The following ANK2 variants were observed in gnomAD, a reference collection of about 807,000 sequenced individuals.
ANK2 encodes ankyrin-2.
In ANK2, 83 loss-of-function variants were observed where a neutral mutation model predicts 360.5. The ratio of observed to expected loss-of-function variants is 0.23; its 90% CI spans 0.19 to 0.28. ANK2 has a LOEUF of 0.28. Among genes scored for constraint, ANK2 ranks in the 10% least tolerant of loss-of-function variants. The pLI is 1.00. For missense variants in ANK2, 4,201 were observed against 4,795.7 expected (o/e 0.88, Z 3.66); for synonymous variants, 1,740 against 1,759.5 (o/e 0.99, Z 0.28).
At chr4:113,230,514 C>CA (rs376508854) in intron 4 of ANK2, among the ~76,000 whole-genome samples, 5,915 of 137,072 alleles carry the variant, frequency 0.043, 153 homozygotes, top group East Asian at 0.11. Flanking sequence ...GACTCCATCT[C>CA]AAAAAAAAAA....
chr4:112,763,353 A>G, the ANK2 span, among the ~76,000 whole-genome samples: 54,617 of 149,270 alleles, frequency 0.37, 10,150 homozygotes, highest in East Asian at 0.62. Context: ...CTCAGCCTCC[A>G]GAGTAGCTGG....
Position 113,258,538 on chromosome 4 carries a change from T to G in ANK2, c.1386+127T>G, listed in dbSNP as rs950015908. On this transcript the variant is annotated intron_variant, in intron 13 of 45. Coordinates refer to ENST00000357077, the MANE Select transcript of ANK2 (RefSeq NM_001148.6). ...GCAACCAAGCTTTGAGAAGGGCCCT[T>G]GTAATAACACATTATTGAAATAATC... 5 of 845,716 alleles carry G rather than the reference T, an allele frequency of 5.9e-6. No individual in the cohort carries two copies. In the Admixed American group the frequency reaches 7.6e-5, roughly 13 times the overall value. 52.4% of individuals were successfully genotyped at this position (845,716 alleles called of 1,614,324 possible).
intron 1 of ANK2, among the ~76,000 whole-genome samples, chr4:112,881,326 T>G (rs2076634882): frequency 6.6e-6 from 1 of 152,146 alleles, no homozygotes; most frequent in African/African-American, 2.4e-5. Flanking sequence ...TGGTCCCAGC[T>G]ACTTGGGAGG....
At chr4:112,974,273 T>C (rs1041573552) in intron 2 of ANK2, among the ~76,000 whole-genome samples, 2 of 152,178 alleles carry the variant, frequency 1.3e-5, no homozygotes, top group South Asian at 2.1e-4. Flanking sequence ...AGGGCCTAAA[T>C]TGGAAAGCAA....
In ANK2 at chr4:113,372,510, C is replaced by G. The variant is rs1051382104; in HGVS notation, c.11611-580C>G. The G allele has an allele frequency of 2.8e-6, 4 of 1,448,708 alleles. No homozygotes were observed. In the African/African-American group the frequency reaches 5.6e-5, roughly 20 times the overall value. 89.7% of individuals were successfully genotyped at this position (1,448,708 alleles called of 1,614,324 possible). A position where few individuals can be genotyped will look rare whatever the true frequency, so the allele number is the denominator to read the frequency against. ...TCATTCCTTAGCATGTTAAACAAAG[C>G]AATGCTTCCATGCTTCCACCAGGAG... On this transcript the variant is annotated intron_variant, in intron 43 of 45. Transcript: ENST00000357077.
chr4:112,785,664 C>T, the ANK2 span, among the ~76,000 whole-genome samples: 3 of 151,224 alleles, frequency 2.0e-5, no homozygotes, highest in African/African-American at 7.3e-5. Flanking sequence ...GCCACTGCGC[C>T]TGGCCTTTTT....
chr4:113,082,545 C>T (rs1260422261), intron 1 of ANK2, among the ~76,000 whole-genome samples: 1 of 152,124 alleles, frequency 6.6e-6, no homozygotes, highest in Non-Finnish European at 1.5e-5. Context: ...TGATGAAATG[C>T]ATAATTACTA....
At chr4:113,102,613 G>C (rs1456247541) in intron 1 of ANK2, among the ~76,000 whole-genome samples, 1 of 152,100 alleles carries the variant, frequency 6.6e-6, no homozygotes. Flanking sequence ...GAAAAGAACA[G>C]GAGAAAGTTG....
At chr4:112,999,591 G>A (rs947661053) in intron 2 of ANK2, among the ~76,000 whole-genome samples, 1 of 151,676 alleles carries the variant, frequency 6.6e-6, no homozygotes, top group Non-Finnish European at 1.5e-5. Context: ...GGAATACAAA[G>A]CCAGTGGTGA....
chr4:112,760,347 C>T, the ANK2 span, among the ~76,000 whole-genome samples: 3 of 151,972 alleles, frequency 2.0e-5, no homozygotes, highest in African/African-American at 7.2e-5. Flanking sequence ...CTACCACGCC[C>T]GGCTAATTTT....
chr4:112,841,764 G>A (rs1299963287), intron 1 of ANK2, among the ~76,000 whole-genome samples: 13 of 152,070 alleles, frequency 8.5e-5, no homozygotes, highest in Non-Finnish European at 1.9e-4. Flanking sequence ...AAACACCCTC[G>A]CCTAGCTGTG....
At chr4:112,873,540 C>CT (rs556434015) in intron 1 of ANK2, among the ~76,000 whole-genome samples, 10,272 of 139,836 alleles carry the variant, frequency 0.073, 496 homozygotes, top group Non-Finnish European at 0.11. Flanking sequence ...CTTTTTCTTT[C>CT]TTTTTTTTTT....
chr4:112,852,291 T>C (rs573897062), intron 1 of ANK2, among the ~76,000 whole-genome samples: 2 of 152,212 alleles, frequency 1.3e-5, no homozygotes, highest in Non-Finnish European at 2.9e-5. Flanking sequence ...ATATTCTTCA[T>C]CTTCTAACTC....
intron 1 of ANK2, among the ~76,000 whole-genome samples, chr4:113,102,551 G>A (rs777980277): frequency 5.9e-5 from 9 of 152,038 alleles, no homozygotes; most frequent in South Asian, 4.1e-4. Flanking sequence ...TTTGAGTTCC[G>A]ATAGAAAAGG....
intron 2 of ANK2, among the ~76,000 whole-genome samples, chr4:113,005,641 T>G (rs1479800447): frequency 6.6e-6 from 1 of 152,084 alleles, no homozygotes; most frequent in Non-Finnish European, 1.5e-5. Flanking sequence ...AACATACAGT[T>G]AGATAGAAGA....
chr4:113,126,188 T>A (rs543429760), intron 1 of ANK2, among the ~76,000 whole-genome samples: 1 of 152,296 alleles, frequency 6.6e-6, no homozygotes, highest in Non-Finnish European at 1.5e-5. Flanking sequence ...AGTTAGAAAT[T>A]CACAGAGAAA....
chr4:112,958,083 C>G (rs1214981430), intron 2 of ANK2, among the ~76,000 whole-genome samples: 3 of 150,594 alleles, frequency 2.0e-5, no homozygotes, highest in Non-Finnish European at 4.4e-5. Flanking sequence ...GGATGGCGGC[C>G]GGGCAGAGAC....
At chr4:112,974,913 G>A (rs954265222) in intron 2 of ANK2, among the ~76,000 whole-genome samples, 19 of 151,542 alleles carry the variant, frequency 1.3e-4, no homozygotes, top group South Asian at 4.2e-4. Context: ...AAGGATTATC[G>A]AAAGGGGAGA....
intron 1 of ANK2, among the ~76,000 whole-genome samples, chr4:112,834,779 T>G (rs2060638631): frequency 6.6e-6 from 1 of 152,192 alleles, no homozygotes; most frequent in Non-Finnish European, 1.5e-5. Context: ...ATATGGCATG[T>G]CTTAGGTCTT....
Sources: allele counts gnomAD v4.1 joint callset (sites outside exome capture counted in the v4.1 genomes callset), GRCh38; gene constraint gnomAD v4.1.1; transcripts MANE v1.5; gene names NCBI Gene and HGNC (gene_info 2026-07-23, HGNC 2026-07-21).